The following NKAIN2 variants were observed in gnomAD, a reference collection of about 807,000 sequenced individuals.
The protein encoded by NKAIN2 is sodium/potassium transporting ATPase interacting 2, also known as sodium/potassium-transporting ATPase subunit beta-1-interacting protein 2.
Under a neutral mutation model 32.6 loss-of-function variants are expected in NKAIN2, and 14 were observed. The ratio of observed to expected loss-of-function variants is 0.43; its 90% CI spans 0.28 to 0.67. NKAIN2 has a LOEUF of 0.67. Ranked by LOEUF, NKAIN2 falls within the 30% of genes least tolerant of loss-of-function variation. The probability of loss-of-function intolerance (pLI) is 0.17; values close to 1 mark genes in which losing one functional copy is unlikely to be tolerated. For missense variants in NKAIN2, 198 were observed against 258.3 expected (o/e 0.77, Z 1.60); for synonymous variants, 80 against 87.2 (o/e 0.92, Z 0.46).
chr6:123,916,502 G>GATCT (rs1420723754), intron 1 of NKAIN2, among the ~76,000 whole-genome samples: 2 of 152,074 alleles, frequency 1.3e-5, no homozygotes, highest in South Asian at 4.2e-4. Flanking sequence ...GACCTCAAGG[G>GATCT]ATCTGCCTGC....
Position 124,773,233 on chromosome 6 carries a change from G to A in NKAIN2, c.475-18106G>A, listed in dbSNP as rs1778838936. Among the ~76,000 whole-genome samples the A allele has an allele frequency of 2.6e-5, 4 of 152,000 alleles. No homozygotes were observed. In the South Asian group the frequency reaches 8.3e-4, roughly 32 times the overall value. ...GGAAGCCTAATCGCTCTGGATTGTG[G>A]AATAAAAGACACACAAAGAGCAAGT... On this transcript the variant is annotated intron_variant, in intron 4 of 6. Transcript: ENST00000368417.
At chr6:124,587,643 A>G (rs1275449142) in intron 3 of NKAIN2, among the ~76,000 whole-genome samples, 10 of 152,162 alleles carry the variant, frequency 6.6e-5, no homozygotes, top group Non-Finnish European at 1.2e-4. Context: ...CCAGGTTTCC[A>G]TATCTAAGCT....
At chr6:124,243,027 T>TA (rs1793192933) in intron 1 of NKAIN2, among the ~76,000 whole-genome samples, 1 of 147,956 alleles carries the variant, frequency 6.8e-6, no homozygotes, top group East Asian at 2.0e-4. Context: ...TCCCAGAACT[T>TA]AAAGTATAAT....
intron 4 of NKAIN2, among the ~76,000 whole-genome samples, chr6:124,669,725 T>C (rs1269315792): frequency 1.3e-5 from 2 of 152,102 alleles, no homozygotes; most frequent in Non-Finnish European, 2.9e-5. Flanking sequence ...CTTCTTAAAT[T>C]CTCCTCTTTC....
chr6:124,344,571 A>C (rs372456233), intron 2 of NKAIN2, among the ~76,000 whole-genome samples: 1 of 151,258 alleles, frequency 6.6e-6, no homozygotes, highest in Admixed American at 6.6e-5. Flanking sequence ...TGGATTCCTA[A>C]GTATTTTATT....
chr6:124,638,887 C>CATAAA (rs1783879082), intron 3 of NKAIN2, among the ~76,000 whole-genome samples: 11 of 82,574 alleles, frequency 1.3e-4, no homozygotes, highest in East Asian at 7.8e-4. Flanking sequence ...GAGACTCTGT[C>CATAAA]AAAAAAAAAA....
At chr6:124,186,946 T>G (rs1371483582) in intron 1 of NKAIN2, among the ~76,000 whole-genome samples, 4 of 144,884 alleles carry the variant, frequency 2.8e-5, no homozygotes, top group Non-Finnish European at 6.0e-5. Context: ...GAATTTTTTC[T>G]GACAAGAAAA....
At chr6:124,254,069 C>A (rs1188417721) in intron 1 of NKAIN2, among the ~76,000 whole-genome samples, 3 of 152,020 alleles carry the variant, frequency 2.0e-5, no homozygotes, top group Non-Finnish European at 1.5e-5. Flanking sequence ...CCCGCCTCGG[C>A]CTCCCAAAGT....
chr6:124,740,731 G>C (rs1277524803), intron 4 of NKAIN2, among the ~76,000 whole-genome samples: 1 of 151,864 alleles, frequency 6.6e-6, no homozygotes, highest in Non-Finnish European at 1.5e-5. Context: ...GACAGCTAGT[G>C]TGTGTGAAGA....
chr6:123,842,909 A>T (rs1361361521), intron 1 of NKAIN2, among the ~76,000 whole-genome samples: 3 of 152,102 alleles, frequency 2.0e-5, no homozygotes, highest in African/African-American at 7.2e-5. Flanking sequence ...GGTCTTATCT[A>T]TTCAGTGCTG....
intron 1 of NKAIN2, among the ~76,000 whole-genome samples, chr6:124,189,456 T>C (rs1789907930): frequency 6.6e-6 from 1 of 152,058 alleles, no homozygotes; most frequent in Admixed American, 6.5e-5. Context: ...ATCCCAGCAC[T>C]TTGGGAGGCC....
At chr6:124,607,781 G>T (rs187873897) in intron 3 of NKAIN2, among the ~76,000 whole-genome samples, 50 of 152,076 alleles carry the variant, frequency 3.3e-4, no homozygotes, top group African/African-American at 1.2e-3. Context: ...GTACAAAAAT[G>T]ATATGTATTC....
intron 1 of NKAIN2, among the ~76,000 whole-genome samples, chr6:124,215,478 A>C (rs1791421160): frequency 6.6e-6 from 1 of 152,196 alleles, no homozygotes; most frequent in African/African-American, 2.4e-5. Context: ...CATTATGTGG[A>C]AACTTTAGAG....
chr6:124,560,985 G>A (rs2114892435), intron 3 of NKAIN2, among the ~76,000 whole-genome samples: 1 of 152,236 alleles, frequency 6.6e-6, no homozygotes, highest in South Asian at 2.1e-4. Context: ...CAATCTTCTA[G>A]ACCCAGAGGT....
At chr6:124,225,088 A>G (rs1195173026) in intron 1 of NKAIN2, among the ~76,000 whole-genome samples, 1 of 152,054 alleles carries the variant, frequency 6.6e-6, no homozygotes, top group African/African-American at 2.4e-5. Flanking sequence ...TTGAGTTTCA[A>G]TATAGATTGC....
intron 3 of NKAIN2, among the ~76,000 whole-genome samples, chr6:124,539,845 C>T (rs1055910968): frequency 6.6e-6 from 1 of 152,044 alleles, no homozygotes; most frequent in Non-Finnish European, 1.5e-5. Context: ...CTCAGCCTCC[C>T]GAGTAGCTGG....
intron 1 of NKAIN2, among the ~76,000 whole-genome samples, chr6:123,852,025 G>A (rs73565112): frequency 0.088 from 13,355 of 151,708 alleles, 879 homozygotes; most frequent in African/African-American, 0.19. Flanking sequence ...AAAAATTATT[G>A]CCCAGACCAG....
At chr6:124,126,895 C>T (rs550893933) in intron 1 of NKAIN2, among the ~76,000 whole-genome samples, 15 of 152,202 alleles carry the variant, frequency 9.9e-5, no homozygotes, top group South Asian at 2.1e-4. Flanking sequence ...GTTGAGGCTG[C>T]AGTGAGCCAT....
chr6:123,872,965 A>C (rs1354672432), intron 1 of NKAIN2, among the ~76,000 whole-genome samples: 1 of 152,198 alleles, frequency 6.6e-6, no homozygotes. Flanking sequence ...TAAATTTTTC[A>C]AAAAGTGTTT....
Sources: gnomAD v4.1 joint callset for allele counts (sites outside exome capture counted in the v4.1 genomes callset) on GRCh38, gnomAD v4.1.1 for gene constraint, MANE v1.5 for transcripts, NCBI Gene and HGNC (gene_info 2026-07-23, HGNC 2026-07-21) for gene names.